The following KCNU1 variants were observed in gnomAD, a reference collection of about 807,000 sequenced individuals.
The protein encoded by KCNU1 is potassium channel subfamily U member 1.
Under a neutral mutation model 126.8 loss-of-function variants are expected in KCNU1, and 93 were observed. That is an observed-to-expected ratio of 0.73 (90% CI 0.62 to 0.87). The LOEUF (loss-of-function observed/expected upper bound fraction) is 0.87, where lower values mean the gene tolerates loss of function less well. Ranked by LOEUF, KCNU1 falls within the 40% of genes least tolerant of loss-of-function variation. The probability of loss-of-function intolerance (pLI) is 0.00; values close to 1 mark genes in which losing one functional copy is unlikely to be tolerated. For missense variants in KCNU1, 1,330 were observed against 1,367.1 expected, an observed-to-expected ratio of 0.97 and a Z score of 0.43; for synonymous variants, 523 against 494.2, an observed-to-expected ratio of 1.06 and a Z score of -0.77.
At chr8:36,932,773 A>G (rs1393612021) in intron 25 of KCNU1, 147 bp from the exon 26 acceptor site, 2 of 608,732 alleles carry the variant, frequency 3.3e-6, no homozygotes, top group East Asian at 2.8e-5. Flanking sequence ...TTAATTACCT[A>G]TCGCCCTGGC....
chr8:36,801,318 A>G (rs1186744926), intron 2 of KCNU1, among the ~76,000 whole-genome samples: 1 of 152,122 alleles, frequency 6.6e-6, no homozygotes, highest in Non-Finnish European at 1.5e-5. Context: ...GTGTCCACAA[A>G]TCTGTCAGCT....
chr8:36,918,933 A>C, intron 23 of KCNU1, 36 bp downstream of exon 23: 2 of 1,276,236 alleles, frequency 1.6e-6, no homozygotes, highest in Non-Finnish European at 1.1e-6. Context: ...TCAATGGAGA[A>C]ATTTTTGTGA....
intron 7 of KCNU1, among the ~76,000 whole-genome samples, chr8:36,809,972 G>A (rs1330558391): frequency 6.6e-6 from 1 of 152,060 alleles, no homozygotes; most frequent in Admixed American, 6.5e-5. Flanking sequence ...AAAATATAAG[G>A]TTCTAATAAT....
intron 18 of KCNU1, among the ~76,000 whole-genome samples, chr8:36,847,285 G>C (rs1805185148): frequency 6.6e-6 from 1 of 152,028 alleles, no homozygotes; most frequent in Non-Finnish European, 1.5e-5. Flanking sequence ...TTTTGATATA[G>C]ATATACAATG....
At chr8:36,910,170 G>A (rs578092631) in intron 21 of KCNU1, among the ~76,000 whole-genome samples, 27 of 152,184 alleles carry the variant, frequency 1.8e-4, no homozygotes, top group Admixed American at 8.5e-4. Context: ...CATGAGATAC[G>A]CACCAAAGCA....
intron 18 of KCNU1, 31 bp downstream of exon 18, chr8:36,845,930 G>A: frequency 7.5e-7 from 1 of 1,338,038 alleles, no homozygotes; most frequent in Non-Finnish European, 1.1e-6. Flanking sequence ...GCTGTCCTTA[G>A]CCCAGCCTCT....
chr8:36,919,529 C>A (rs1193776442), intron 23 of KCNU1, among the ~76,000 whole-genome samples: 1 of 150,994 alleles, frequency 6.6e-6, no homozygotes, highest in Non-Finnish European at 1.5e-5. Flanking sequence ...GCTGTGGGAA[C>A]AGAAGACAAG....
At chr8:36,794,055 C>CAAAAAA (rs747930765) in intron 2 of KCNU1, among the ~76,000 whole-genome samples, 1 of 64,976 alleles carries the variant, frequency 1.5e-5, no homozygotes, top group Non-Finnish European at 3.3e-5. Flanking sequence ...CTCTGTCTCT[C>CAAAAAA]AAAAAAAAAA....
chr8:36,809,509 AT>A (rs1803631198), intron 7 of KCNU1, among the ~76,000 whole-genome samples: 1 of 152,242 alleles, frequency 6.6e-6, no homozygotes, highest in Non-Finnish European at 1.5e-5. Context: ...CAATTTAAAA[AT>A]CCATTAAAAA....
chr8:36,836,787 G>A lies in KCNU1; in HGVS notation c.1366-6G>A. The A allele has an allele frequency of 6.2e-7, 1 of 1,613,488 alleles. No individual in the cohort carries two copies. The highest frequency in any genetic ancestry group is 8.5e-7 in the Non-Finnish European group (1 of 1,179,560). On this transcript the variant is annotated splice_polypyrimidine_tract_variant and splice_region_variant and intron_variant, in intron 13 of 26. Coordinates refer to ENST00000399881, the MANE Select transcript of KCNU1 (RefSeq NM_001031836.3). ...AATGTTTGACCTGCTTTGTGCTATG[G>A]AACAGGTTTATCTGCCAAAGATTCC...
intron 19 of KCNU1, among the ~76,000 whole-genome samples, chr8:36,873,191 T>C (rs1806164969): frequency 6.6e-6 from 1 of 152,144 alleles, no homozygotes. Flanking sequence ...GTAGACCCTG[T>C]CTCATTCTCC....
rs2211724 is a variant in KCNU1, at chr8:36,888,417, C to T, written c.2010-17291C>T. 6.1e-4 allele frequency: 237 copies of T among 387,968 alleles called. 1 individual carries two copies. In the East Asian group the frequency reaches 6.7e-3, roughly 11 times the overall value. The allele number at this position is 387,968 out of a possible 1,614,324, so 24.0% of individuals were successfully genotyped here. Reference sequence around the variant, plus strand: ...CCCCACAACACCACTCTGGCTGCACCGTGCTCTGAACTCCAGGCTTCTGCT... The same window carrying T: ...CCCCACAACACCACTCTGGCTGCACTGTGCTCTGAACTCCAGGCTTCTGCT... On this transcript the variant is annotated intron_variant, in intron 19 of 26. Transcript: ENST00000399881.
At chr8:36,909,924 G>A (rs1350369926) in intron 21 of KCNU1, among the ~76,000 whole-genome samples, 2 of 152,088 alleles carry the variant, frequency 1.3e-5, no homozygotes, top group Non-Finnish European at 2.9e-5. Context: ...GCTAATACTG[G>A]CCAGCATTTG....
Position 36,932,896 on chromosome 8 carries a change from T to C in KCNU1, c.2932-24T>C, listed in dbSNP as rs192039712. 157 of 1,345,060 alleles carry C rather than the reference T, an allele frequency of 1.2e-4. 1 individual carries two copies. Among genetic ancestry groups the C allele is most frequent in the Middle Eastern group, 5.4e-4 (3 of 5,606 alleles). The allele number at this position is 1,345,060 out of a possible 1,614,324, so 83.3% of individuals were successfully genotyped here. A position where few individuals can be genotyped will look rare whatever the true frequency, so the allele number is the denominator to read the frequency against. On this transcript the variant is annotated intron_variant, in intron 25 of 26. Coordinates refer to ENST00000399881, the MANE Select transcript of KCNU1 (RefSeq NM_001031836.3). ...GCTTGATCAAAGTGCCCAGCAGACATATTTTTGTCTCTTCTCTCCCCAGCC... is the reference window on the plus strand; with the variant it reads ...GCTTGATCAAAGTGCCCAGCAGACACATTTTTGTCTCTTCTCTCCCCAGCC...
intron 19 of KCNU1, chr8:36,889,339 A>C (rs2117438287): frequency 6.4e-6 from 3 of 472,310 alleles, no homozygotes; most frequent in Non-Finnish European, 8.7e-6. Flanking sequence ...TGGATCTATC[A>C]CCTGTCATCA....
intron 19 of KCNU1, among the ~76,000 whole-genome samples, chr8:36,874,270 C>G (rs2117374448): frequency 6.6e-6 from 1 of 152,256 alleles, no homozygotes; most frequent in East Asian, 1.9e-4. Flanking sequence ...TCGCTTTAAG[C>G]AATAGTCATG....
At chr8:36,921,074 C>T (rs1438252548) in intron 23 of KCNU1, among the ~76,000 whole-genome samples, 1 of 152,156 alleles carries the variant, frequency 6.6e-6, no homozygotes, top group Non-Finnish European at 1.5e-5. Flanking sequence ...CCAACAAGTG[C>T]ACCTACCCCA....
chr8:36,812,193 G>A (rs1015980840), intron 7 of KCNU1, among the ~76,000 whole-genome samples: 3 of 151,918 alleles, frequency 2.0e-5, no homozygotes, highest in Non-Finnish European at 4.4e-5. Flanking sequence ...CAGCCTAGCC[G>A]ACATGGGGAA....
At chr8:36,856,237 A>AT (rs1237862266) in intron 18 of KCNU1, among the ~76,000 whole-genome samples, 2 of 151,962 alleles carry the variant, frequency 1.3e-5, no homozygotes, top group African/African-American at 4.8e-5. Flanking sequence ...GGCTCTTAAT[A>AT]TTTTTTCTGC....
Sources: allele counts gnomAD v4.1 joint callset (sites outside exome capture counted in the v4.1 genomes callset), GRCh38; gene constraint gnomAD v4.1.1; transcripts MANE v1.5; gene names NCBI Gene and HGNC (gene_info 2026-07-23, HGNC 2026-07-21).